WWC2: variants seen among roughly 807,000 people sequenced by gnomAD.
WWC2 encodes the protein protein WWC2.
WWC2 carries 101 observed loss-of-function variants against 138.5 expected under a neutral mutation model. The observed-to-expected ratio is 0.73, with a 90% CI of 0.62 to 0.86. The LOEUF is 0.86. Ranked by LOEUF, WWC2 falls within the 40% of genes least tolerant of loss-of-function variation. The pLI is 0.00. For synonymous variants in WWC2, 558 were observed against 538.4 expected (o/e 1.04, Z -0.50); for missense variants, 1,420 against 1,419.4 (o/e 1.00, Z -0.01).
intron 21 of WWC2, among the ~76,000 whole-genome samples, chr4:183,305,296 T>C (rs1175297758): frequency 2.0e-5 from 3 of 151,980 alleles, no homozygotes; most frequent in African/African-American, 7.3e-5. Flanking sequence ...ACAATGTGTT[T>C]AATAGGAATA....
Position 183,284,349 on chromosome 4 carries a change from C to A in WWC2, c.3007C>A (p.Gln1003Lys). The A allele has an allele frequency of 1.2e-6, 2 of 1,613,782 alleles. No homozygotes were observed. The highest frequency in any genetic ancestry group is 1.7e-6 in the Non-Finnish European group (2 of 1,179,880). ...FVRSSVIVRS[Q>K]TFSPGERNQY... ...GAGGAGCAGTGTGATAGTGCGCTCACAGACCTTTTCTCCAGGAGAGCGGAA... is the reference window on the plus strand; with the variant it reads ...GAGGAGCAGTGTGATAGTGCGCTCAAAGACCTTTTCTCCAGGAGAGCGGAA... The change falls in exon 19 of 23, where the codon CAG (glutamine) becomes AAG (lysine). Residue 1003 changes from glutamine (Q) to lysine (K), a missense_variant. Physicochemically the swap from Gln to Lys is moderately conservative, Grantham distance 53. Coordinates refer to ENST00000403733, the MANE Select transcript of WWC2 (RefSeq NM_024949.6).
rs1242968034 is a variant in WWC2, at chr4:183,247,607, ATATATACTATATATAC to A, written c.733-1084_733-1069del. ...ATACTATATATATGCTATATATGCTATATATACTATATATACTATATACTATATATACTATATATAC... is the reference window on the plus strand; with the variant it reads ...ATACTATATATATGCTATATATGCTATATATACTATATATACTATATATAC... On this transcript the variant is annotated intron_variant, in intron 6 of 22. Transcript: ENST00000403733. 6.0e-3 allele frequency among the ~76,000 whole-genome samples: 811 copies of A among 136,222 alleles called. 7 individuals carry two copies. Among genetic ancestry groups the A allele is most frequent in the Non-Finnish European group, 9.6e-3 (627 of 65,332 alleles). 89.4% of individuals were successfully genotyped at this position (136,222 alleles called of 152,430 possible).
rs145288039 is a variant in WWC2, at chr4:183,265,746, G to A, written c.2098G>A (p.Ala700Thr). 1,144 of 1,611,466 alleles carry A rather than the reference G, an allele frequency of 7.1e-4. 5 individuals are homozygous for A. The highest frequency in any genetic ancestry group is 1.6e-4 in the Middle Eastern group (1 of 6,062). ...SEEDVAIVET[A>T]QVQIGLRYNA... ...AGAGGATGTAGCCATTGTAGAGACC[G>A]CCCAGGTTCAGATAGGACTCAGGTA... Residue 700 changes from alanine to threonine, a missense_variant, in exon 13 of 23, where the codon GCC becomes ACC. Transcript: ENST00000403733.
intron 1 of WWC2, among the ~76,000 whole-genome samples, chr4:183,147,921 C>G (rs73872930): frequency 0.048 from 7,379 of 152,204 alleles, 606 homozygotes; most frequent in African/African-American, 0.17. Context: ...AAATGAATGG[C>G]AACAGCCTTT....
chr4:183,240,906 G>A (rs933217729), intron 5 of WWC2, among the ~76,000 whole-genome samples: 2 of 152,318 alleles, frequency 1.3e-5, no homozygotes, highest in African/African-American at 4.8e-5. Flanking sequence ...AGGGTCACAG[G>A]ATGAGGATAT....
At chr4:183,313,201 G>C (rs1048906775) in intron 22 of WWC2, among the ~76,000 whole-genome samples, 19 of 152,316 alleles carry the variant, frequency 1.2e-4, no homozygotes, top group African/African-American at 4.6e-4. Context: ...GGAGTTGCCA[G>C]CTGGTGAGCC....
intron 1 of WWC2, among the ~76,000 whole-genome samples, chr4:183,135,322 C>T (rs1733075671): frequency 6.6e-6 from 1 of 151,962 alleles, no homozygotes; most frequent in Non-Finnish European, 1.5e-5. Flanking sequence ...GTTTCCCCTG[C>T]CTTTTCTTCC....
intron 21 of WWC2, among the ~76,000 whole-genome samples, 146 bp from the exon 22 acceptor site, chr4:183,312,185 TTGGCTCCTGA>T (rs1250085133): frequency 1.3e-5 from 2 of 152,206 alleles, no homozygotes; most frequent in Non-Finnish European, 2.9e-5. Flanking sequence ...CATGTGGGTG[TTGGCTCCTGA>T]TGGGTGATAA....
Position 183,256,888 on chromosome 4 carries a change from C to G in WWC2, c.1197-2751C>G, listed in dbSNP as rs1036801659. Among the ~76,000 whole-genome samples, 38 of 16,050 alleles carry G rather than the reference C, an allele frequency of 2.4e-3. 3 individuals are homozygous for G. In the South Asian group the frequency reaches 0.027, roughly 11 times the overall value. 10.5% of individuals were successfully genotyped at this position (16,050 alleles called of 152,430 possible). A position where few individuals can be genotyped will look rare whatever the true frequency, so the allele number is the denominator to read the frequency against. Reference sequence around the variant, plus strand: ...GTCTCTGAGTGTGATCCTACAGCCCCCCCCCCCCCCCCCCCGGCTCTGTTC... The same window carrying G: ...GTCTCTGAGTGTGATCCTACAGCCCGCCCCCCCCCCCCCCCGGCTCTGTTC... On this transcript the variant is annotated intron_variant, in intron 9 of 22. Coordinates refer to ENST00000403733, the MANE Select transcript of WWC2 (RefSeq NM_024949.6).
At chr4:183,305,697 A>G (rs1739002758) in intron 21 of WWC2, among the ~76,000 whole-genome samples, 1 of 152,192 alleles carries the variant, frequency 6.6e-6, no homozygotes, top group African/African-American at 2.4e-5. Context: ...GAGAATAAAT[A>G]TTTTTTCAGA....
chr4:183,130,226 G>T (rs1282133566), intron 1 of WWC2, among the ~76,000 whole-genome samples: 1 of 151,966 alleles, frequency 6.6e-6, no homozygotes, highest in Admixed American at 6.6e-5. Flanking sequence ...CTAATTTTTT[G>T]TATTTTTAGT....
chr4:183,249,862 A>G (rs1736916523), intron 7 of WWC2, 58 bp from the exon 8 acceptor site: 3 of 1,429,490 alleles, frequency 2.1e-6, no homozygotes, highest in African/African-American at 1.4e-5. Context: ...AACAAAAGCA[A>G]TTTACTTCAT....
At chr4:183,103,916 G>A (rs915614370) in intron 1 of WWC2, among the ~76,000 whole-genome samples, 1 of 151,342 alleles carries the variant, frequency 6.6e-6, no homozygotes, top group Non-Finnish European at 1.5e-5. Context: ...TTACAGGCAT[G>A]AGCCACCACG....
At chr4:183,169,651 G>A (rs2111160608) in intron 1 of WWC2, among the ~76,000 whole-genome samples, 1 of 152,138 alleles carries the variant, frequency 6.6e-6, no homozygotes, top group African/African-American at 2.4e-5. Flanking sequence ...GAATGACCAT[G>A]GGATACCTAA....
chr4:183,188,016 C>G (rs1200133688), intron 1 of WWC2, among the ~76,000 whole-genome samples: 1 of 152,104 alleles, frequency 6.6e-6, no homozygotes, highest in African/African-American at 2.4e-5. Context: ...AAATTAGTTT[C>G]TTTCCTTTCT....
intron 1 of WWC2, among the ~76,000 whole-genome samples, chr4:183,109,841 T>C (rs1732171784): frequency 6.6e-6 from 1 of 152,178 alleles, no homozygotes; most frequent in Non-Finnish European, 1.5e-5. Flanking sequence ...CTGTCTTGTA[T>C]CTCATGTTAC....
chr4:183,237,803 A>G (rs560866795), intron 4 of WWC2, among the ~76,000 whole-genome samples: 1 of 152,124 alleles, frequency 6.6e-6, no homozygotes, highest in Non-Finnish European at 1.5e-5. Flanking sequence ...TGTCTTTGTC[A>G]CGTTGTTCCT....
At chr4:183,259,193 G>A (rs1182124094) in intron 9 of WWC2, among the ~76,000 whole-genome samples, 1 of 152,136 alleles carries the variant, frequency 6.6e-6, no homozygotes, top group East Asian at 1.9e-4. Context: ...TAAATACTAT[G>A]TTGGAACAAG....
rs768225618 is a variant in WWC2, at chr4:183,280,838, A to T, written c.2625A>T (p.Leu875Phe). The part of the protein sequence containing the change: ...SAELLAVEQE[L>F]AQEEEEESGQ... Reference sequence around the variant, plus strand: ...AGTTGTTAGCTGTGGAACAAGAATTAGCACAAGAAGAAGAAGAAGAATCAG... The same window carrying T: ...AGTTGTTAGCTGTGGAACAAGAATTTGCACAAGAAGAAGAAGAAGAATCAG... The change falls in exon 17 of 23, where the codon TTA (leucine) becomes TTT (phenylalanine). Residue 875 changes from leucine to phenylalanine, a missense_variant. Leu to Phe is a conservative substitution (Grantham distance 22). Transcript: ENST00000403733. 3.1e-6 allele frequency: 5 copies of T among 1,597,220 alleles called. No individual in the cohort carries two copies. The highest frequency in any genetic ancestry group is 4.3e-6 in the Non-Finnish European group (5 of 1,171,492).
Sources: allele counts gnomAD v4.1 joint callset (sites outside exome capture counted in the v4.1 genomes callset), GRCh38; gene constraint gnomAD v4.1.1; transcripts MANE v1.5; gene names NCBI Gene and HGNC (gene_info 2026-07-23, HGNC 2026-07-21).